MEI4: variants seen among roughly 807,000 people sequenced by gnomAD.
The protein encoded by MEI4 is meiosis-specific protein MEI4.
Under a neutral mutation model 31.4 loss-of-function variants are expected in MEI4, and 27 were observed. The observed-to-expected ratio is 0.86, with a 90% CI of 0.63 to 1.19. MEI4 has a LOEUF of 1.19. Among genes scored for constraint, MEI4 ranks in the 50% most tolerant of loss-of-function variants. MEI4 has a pLI of 0.00. For missense variants in MEI4, 329 were observed against 398.9 expected (o/e 0.82, Z 1.49); for synonymous variants, 122 against 145.4 (o/e 0.84, Z 1.16).
intron 1 of MEI4, among the ~76,000 whole-genome samples, chr6:77,679,974 C>T (rs957984943): frequency 2.9e-4 from 44 of 151,416 alleles, no homozygotes; most frequent in Middle Eastern, 3.2e-3. Flanking sequence ...CTCCTGACCT[C>T]GTGATCTGCC....
At chr6:77,747,520 C>T (rs1232269091) in intron 2 of MEI4, among the ~76,000 whole-genome samples, 1 of 152,076 alleles carries the variant, frequency 6.6e-6, no homozygotes, top group African/African-American at 2.4e-5. Context: ...ACCATCAGAT[C>T]TCATGAGAAC....
intron 1 of MEI4, among the ~76,000 whole-genome samples, chr6:77,655,809 A>AT (rs1392911567): frequency 6.6e-6 from 1 of 152,076 alleles, no homozygotes; most frequent in South Asian, 2.1e-4. Flanking sequence ...TTGTTCTGAG[A>AT]TTTTTTGTTT....
In MEI4 at chr6:77,727,680, G is replaced by C. The variant is rs938698755; in HGVS notation, c.233-33450G>C. On this transcript the variant is annotated intron_variant, in intron 2 of 4. Coordinates refer to ENST00000684080, the MANE Select transcript of MEI4 (RefSeq NM_001322247.2). Reference sequence around the variant, plus strand: ...TTTGATTCTGGTCTTTCACAGTGAAGTTTTTGATAGCTTTTAAACAAAGCC... The same window carrying C: ...TTTGATTCTGGTCTTTCACAGTGAACTTTTTGATAGCTTTTAAACAAAGCC... 2.0e-5 allele frequency among the ~76,000 whole-genome samples: 3 copies of C among 152,198 alleles called. 1 individual carries two copies. The highest frequency in any genetic ancestry group is 2.9e-5 in the Non-Finnish European group (2 of 68,030).
chr6:77,683,396 A>T (rs1562204502), intron 1 of MEI4, among the ~76,000 whole-genome samples: 1 of 152,078 alleles, frequency 6.6e-6, no homozygotes, highest in Non-Finnish European at 1.5e-5. Flanking sequence ...TCATATACTT[A>T]TTTTTTGTGC....
In MEI4 at chr6:77,842,395, T is replaced by G. The variant is rs1235735809; in HGVS notation, c.900+13333T>G. Among the ~76,000 whole-genome samples, 4 of 152,158 alleles carry G rather than the reference T, an allele frequency of 2.6e-5. No homozygotes were observed. The East Asian group carries it at 7.7e-4, about 29-fold the overall frequency. ...ACATGATAATTTATGAGATGCATTT[T>G]GTAAGGCAGTAATAATTTGAGAAAT... On this transcript the variant is annotated intron_variant, in intron 4 of 4. Transcript: ENST00000684080.
intron 3 of MEI4, among the ~76,000 whole-genome samples, chr6:77,796,926 G>C (rs1389427171): frequency 6.6e-6 from 1 of 152,110 alleles, no homozygotes; most frequent in African/African-American, 2.4e-5. Flanking sequence ...TACACTCCCT[G>C]TTTTGAAACT....
At chr6:77,921,060 G>A (rs143569894) in intron 4 of MEI4, among the ~76,000 whole-genome samples, 143 of 151,964 alleles carry the variant, frequency 9.4e-4, no homozygotes, top group African/African-American at 3.2e-3. Flanking sequence ...ATCCTTTGAA[G>A]CTCAGCATTT....
At chr6:77,804,087 A>G (rs945714560) in intron 3 of MEI4, among the ~76,000 whole-genome samples, 1 of 152,188 alleles carries the variant, frequency 6.6e-6, no homozygotes, top group Non-Finnish European at 1.5e-5. Flanking sequence ...CTACAGAGGC[A>G]GGCAGGCCTC....
chr6:77,817,023 A>ATG (rs111311534), intron 3 of MEI4, among the ~76,000 whole-genome samples: 5,561 of 149,238 alleles, frequency 0.037, 139 homozygotes, highest in African/African-American at 0.07. Flanking sequence ...GTGTGTGTGT[A>ATG]TGTGTGTGTG....
chr6:77,866,598 C>T (rs1311203030), intron 4 of MEI4, among the ~76,000 whole-genome samples: 4 of 152,168 alleles, frequency 2.6e-5, no homozygotes, highest in Admixed American at 2.6e-4. Flanking sequence ...AATGGAAAAA[C>T]ATTCCATGCT....
chr6:77,658,345 C>G (rs1480675832), intron 1 of MEI4, among the ~76,000 whole-genome samples: 1 of 152,170 alleles, frequency 6.6e-6, no homozygotes, highest in Non-Finnish European at 1.5e-5. Flanking sequence ...AGTGGAATGT[C>G]ATCAGTTAAG....
At chr6:77,851,248 C>G (rs190575896) in intron 4 of MEI4, among the ~76,000 whole-genome samples, 43,192 of 151,912 alleles carry the variant, frequency 0.28, 6,795 homozygotes, top group South Asian at 0.38. Flanking sequence ...GGATCTAGAA[C>G]TAGAAATACC....
intron 4 of MEI4, among the ~76,000 whole-genome samples, chr6:77,858,238 C>A (rs1309673091): frequency 2.0e-5 from 3 of 152,030 alleles, no homozygotes; most frequent in Non-Finnish European, 4.4e-5. Flanking sequence ...TGTTTGTGAA[C>A]AAAAGAGTTG....
intron 3 of MEI4, among the ~76,000 whole-genome samples, chr6:77,780,808 A>G (rs1261339189): frequency 1.3e-5 from 2 of 152,152 alleles, no homozygotes; most frequent in African/African-American, 4.8e-5. Flanking sequence ...ATGAGTATCT[A>G]ATGTCTCTTC....
chr6:77,763,713 A>G (rs1431484466), intron 3 of MEI4, among the ~76,000 whole-genome samples: 1 of 152,142 alleles, frequency 6.6e-6, no homozygotes, highest in East Asian at 1.9e-4. Flanking sequence ...TGTGTTTGGA[A>G]GTGGCCATTT....
intron 3 of MEI4, among the ~76,000 whole-genome samples, chr6:77,778,140 C>CG (rs996214476): frequency 1.3e-3 from 7 of 5,240 alleles, no homozygotes; most frequent in Admixed American, 5.9e-3. Context: ...GAGTGCGGGG[C>CG]GGGGGGTGGT....
chr6:77,654,724 A>G (rs1245433507), intron 1 of MEI4, among the ~76,000 whole-genome samples: 1 of 151,662 alleles, frequency 6.6e-6, no homozygotes, highest in Non-Finnish European at 1.5e-5. Flanking sequence ...AATATTGTAT[A>G]TACAACTTCT....
Position 77,904,910 on chromosome 6 carries a change from A to G in MEI4, c.901-18179A>G, listed in dbSNP as rs146710642. Reference sequence around the variant, plus strand: ...TTTAGTATTTTTTCTTTTAGGCTTCATACTAAGATTTAAGTGATATACATG... The same window carrying G: ...TTTAGTATTTTTTCTTTTAGGCTTCGTACTAAGATTTAAGTGATATACATG... On this transcript the variant is annotated intron_variant, in intron 4 of 4. Coordinates refer to ENST00000684080, the MANE Select transcript of MEI4 (RefSeq NM_001322247.2). 3.2e-3 allele frequency among the ~76,000 whole-genome samples: 493 copies of G among 152,226 alleles called. 1 individual carries two copies. The highest frequency in any genetic ancestry group is 0.012 in the African/African-American group (482 of 41,546).
In MEI4 at chr6:77,924,682, T is replaced by C. The variant is rs1032020952; in HGVS notation, c.*1336T>C. On this transcript the variant is annotated 3_prime_UTR_variant, in exon 5 of 5. Transcript: ENST00000684080. Reference sequence around the variant, plus strand: ...TATTCTGAGAACCAGACTTGGGGGATAGTAGCTTCTCAGTGGAAGCTCCTC... The same window carrying C: ...TATTCTGAGAACCAGACTTGGGGGACAGTAGCTTCTCAGTGGAAGCTCCTC... The C allele has an allele frequency of 4.6e-5, 7 of 151,834 alleles. No individual in the cohort carries two copies. Among genetic ancestry groups the C allele is most frequent in the Non-Finnish European group, 4.4e-5 (3 of 67,882 alleles). 9.4% of individuals were successfully genotyped at this position (151,834 alleles called of 1,614,324 possible).
Sources: allele counts gnomAD v4.1 joint callset (sites outside exome capture counted in the v4.1 genomes callset), GRCh38; gene constraint gnomAD v4.1.1; transcripts MANE v1.5; gene names NCBI Gene and HGNC (gene_info 2026-07-23, HGNC 2026-07-21).